Variants in CCDC91 observed in about 807,000 individuals in gnomAD.
The protein encoded by CCDC91 is coiled-coil domain containing 91, also known as coiled-coil domain-containing protein 91.
CCDC91 carries 48 observed loss-of-function variants against 63.2 expected under a neutral mutation model. The observed-to-expected ratio is 0.76, with a 90% CI of 0.60 to 0.97. The LOEUF (loss-of-function observed/expected upper bound fraction) is 0.97. Among genes scored for constraint, CCDC91 ranks in the 50% least tolerant of loss-of-function variants. CCDC91 has a pLI of 0.00. For missense variants in CCDC91, 500 were observed against 494.6 expected, an observed-to-expected ratio of 1.01 and a Z score of -0.10; for synonymous variants, 167 against 165.8, an observed-to-expected ratio of 1.01 and a Z score of -0.06.
At chr12:28,515,619 T>C (rs555583648) in intron 12 of CCDC91, among the ~76,000 whole-genome samples, 15 of 151,948 alleles carry the variant, frequency 9.9e-5, no homozygotes, top group Non-Finnish European at 1.6e-4. Flanking sequence ...CAAGCTGTTG[T>C]TTCATAAATG....
At chr12:28,495,963 C>T (rs1296514633) in intron 12 of CCDC91, among the ~76,000 whole-genome samples, 2 of 151,554 alleles carry the variant, frequency 1.3e-5, no homozygotes, top group South Asian at 4.1e-4. Context: ...TTACAGCCAT[C>T]GACCCTTACA....
intron 12 of CCDC91, among the ~76,000 whole-genome samples, chr12:28,505,808 T>C (rs1174900888): frequency 6.6e-6 from 1 of 152,010 alleles, no homozygotes; most frequent in East Asian, 1.9e-4. Context: ...CAAACATCAG[T>C]CAGACATTCA....
At chr12:28,354,785 C>G (rs1943415509) in intron 6 of CCDC91, among the ~76,000 whole-genome samples, 1 of 152,106 alleles carries the variant, frequency 6.6e-6, no homozygotes, top group Admixed American at 6.5e-5. Flanking sequence ...TACAATATTA[C>G]AAGAATTCTA....
At chr12:28,343,234 A>G (rs1019832490) in intron 6 of CCDC91, among the ~76,000 whole-genome samples, 2 of 151,404 alleles carry the variant, frequency 1.3e-5, no homozygotes, top group African/African-American at 4.9e-5. Context: ...ATACATATAC[A>G]ACCCCTCTTA....
At position 28,416,864 on chromosome 12, in the gene CCDC91, A is replaced by G. The variant is rs116158408; in HGVS notation, c.762+25453A>G. Among the ~76,000 whole-genome samples, 691 of 152,276 alleles carry G rather than the reference A, an allele frequency of 4.5e-3. 8 individuals carry two copies. The highest frequency in any genetic ancestry group is 0.014 in the African/African-American group (581 of 41,546). ...ATGGTTATACACACACACTTATCAT[A>G]TGTAGTATTATGTATATGAATATAT... On this transcript the variant is annotated intron_variant, in intron 8 of 12. Transcript: ENST00000536442.
chr12:28,416,105 G>A (rs1266201201), intron 8 of CCDC91, among the ~76,000 whole-genome samples: 2 of 151,800 alleles, frequency 1.3e-5, no homozygotes, highest in East Asian at 3.9e-4. Flanking sequence ...GCTGCTTCTT[G>A]GAGTTTCCAA....
intron 8 of CCDC91, among the ~76,000 whole-genome samples, chr12:28,439,722 CTTTCTTT>C (rs1275818851): frequency 7.1e-6 from 1 of 139,962 alleles, no homozygotes; most frequent in Non-Finnish European, 1.6e-5. Context: ...TTTTTTTTTT[CTTTCTTT>C]TTTCTTTTTT....
chr12:28,463,557 A>G (rs1453655516), intron 11 of CCDC91, among the ~76,000 whole-genome samples: 1 of 152,224 alleles, frequency 6.6e-6, no homozygotes, highest in Non-Finnish European at 1.5e-5. Context: ...AGCATAGCCC[A>G]CATGATGGCA....
rs192112993 is a variant in CCDC91, at chr12:28,371,914, T to A, written c.654+9399T>A. Among the ~76,000 whole-genome samples, 4 of 152,346 alleles carry A rather than the reference T, an allele frequency of 2.6e-5. No homozygotes were observed. In the East Asian group the frequency reaches 7.7e-4, roughly 29 times the overall value. On this transcript the variant is annotated intron_variant, in intron 7 of 12. Coordinates refer to ENST00000536442, the MANE Select transcript of CCDC91 (RefSeq NM_018318.5). ...AAATTACTATCTGGAGCTGCTTGCA[T>A]TAGTGTGAAGAACTTCCTTTAGTAT...
chr12:28,323,927 A>G (rs1940754391), intron 6 of CCDC91, among the ~76,000 whole-genome samples: 1 of 151,884 alleles, frequency 6.6e-6, no homozygotes, highest in African/African-American at 2.4e-5. Flanking sequence ...GCATTTTTGT[A>G]GCTGAATCTG....
intron 12 of CCDC91, among the ~76,000 whole-genome samples, chr12:28,491,370 G>C (rs1475814943): frequency 6.6e-6 from 1 of 151,668 alleles, no homozygotes; most frequent in African/African-American, 2.4e-5. Flanking sequence ...GTCTTTTAAA[G>C]CTTAAAGCCT....
intron 1 of CCDC91, chr12:28,256,109 T>C (rs1946423371): frequency 6.6e-6 from 1 of 152,174 alleles, no homozygotes; most frequent in Non-Finnish European, 1.5e-5. Flanking sequence ...CTTTTTAATT[T>C]AAAACATTGC....
intron 1 of CCDC91, among the ~76,000 whole-genome samples, chr12:28,195,885 G>T (rs1435425737): frequency 6.6e-6 from 1 of 152,112 alleles, no homozygotes; most frequent in Non-Finnish European, 1.5e-5. Context: ...TGGGAGGATC[G>T]CTTGAGCCCA....
intron 1 of CCDC91, among the ~76,000 whole-genome samples, chr12:28,207,911 A>G (rs1942968591): frequency 6.6e-6 from 1 of 152,226 alleles, no homozygotes; most frequent in African/African-American, 2.4e-5. Flanking sequence ...ATCATAGGTA[A>G]TTTGACTTAG....
intron 3 of CCDC91, among the ~76,000 whole-genome samples, chr12:28,275,119 C>G (rs1948104296): frequency 6.6e-6 from 1 of 152,072 alleles, no homozygotes; most frequent in East Asian, 1.9e-4. Context: ...TAACTAAGAT[C>G]AGAGCAGAAT....
chr12:28,485,164 T>G (rs1951653410), intron 12 of CCDC91, among the ~76,000 whole-genome samples: 2 of 150,800 alleles, frequency 1.3e-5, no homozygotes, highest in Non-Finnish European at 1.5e-5. Context: ...ACTTTTTTTT[T>G]TTGTTTTTTT....
intron 7 of CCDC91, among the ~76,000 whole-genome samples, chr12:28,386,936 C>T (rs1020895036): frequency 7.9e-5 from 12 of 151,854 alleles, no homozygotes; most frequent in Non-Finnish European, 1.8e-4. Flanking sequence ...ATTATTCTTT[C>T]ATATATCTTT....
intron 3 of CCDC91, among the ~76,000 whole-genome samples, chr12:28,287,169 G>C (rs1948965102): frequency 1.3e-5 from 2 of 151,902 alleles, no homozygotes; most frequent in South Asian, 2.1e-4. Flanking sequence ...TCTGTATACT[G>C]TATTAATACT....
At chr12:28,496,173 G>T (rs537606671) in intron 12 of CCDC91, among the ~76,000 whole-genome samples, 22 of 151,702 alleles carry the variant, frequency 1.5e-4, no homozygotes, top group Admixed American at 1.3e-3. Context: ...CCAAGGTTAA[G>T]CTTCTATGAA....
Sources: allele counts gnomAD v4.1 joint callset (sites outside exome capture counted in the v4.1 genomes callset), GRCh38; gene constraint gnomAD v4.1.1; transcripts MANE v1.5; gene names NCBI Gene and HGNC (gene_info 2026-07-23, HGNC 2026-07-21).